Variants in ADCY5 observed in about 807,000 individuals in gnomAD.
ADCY5 encodes the protein adenylate cyclase type 5.
A neutral mutation model predicts 119.7 loss-of-function variants in ADCY5; 30 were observed. That is an observed-to-expected ratio of 0.25 (90% confidence interval 0.19 to 0.34). The LOEUF (loss-of-function observed/expected upper bound fraction) is 0.34. Ranked by LOEUF, ADCY5 falls within the 10% of genes least tolerant of loss-of-function variation. ADCY5 has a pLI of 1.00. For missense variants in ADCY5, 1,324 were observed against 1,775.2 expected (o/e 0.75, Z 4.57); for synonymous variants, 753 against 762.2 (o/e 0.99, Z 0.20).
intron 10 of ADCY5, among the ~76,000 whole-genome samples, chr3:123,318,560 C>T (rs1251591635): frequency 1.3e-5 from 2 of 152,190 alleles, no homozygotes; most frequent in South Asian, 2.1e-4. Context: ...TCCAAAGTCA[C>T]ATCTGAGGCT....
chr3:123,297,748 C>T (rs1160734038), intron 15 of ADCY5, among the ~76,000 whole-genome samples: 2 of 152,192 alleles, frequency 1.3e-5, no homozygotes, highest in East Asian at 1.9e-4. Context: ...GTGTGGCAGC[C>T]GCTGGCCACG....
chr3:123,297,214 C>G (rs1939571028), intron 16 of ADCY5, 139 bp downstream of exon 16: 1 of 1,386,368 alleles, frequency 7.2e-7, no homozygotes, highest in South Asian at 1.2e-5. Context: ...CAGGAGGAAC[C>G]AGCCTCCCTG....
Position 123,303,054 on chromosome 3 carries a change from C to A in ADCY5, c.2724+1G>T. 6.2e-7 allele frequency: 1 copy of A among 1,613,418 alleles called. No homozygotes were observed. The highest frequency in any genetic ancestry group is 8.5e-7 in the Non-Finnish European group (1 of 1,179,946). On this transcript the variant is annotated splice_donor_variant, in intron 14 of 20. Transcript: ENST00000462833. LOFTEE classifies it high-confidence loss of function. ...CCTTCCAGCCCCTGTGCACCCAGTA[C>A]CTCGGGGAAGTTGCAGTTGGGCCAG... is the stretch of plus-strand genomic sequence containing the variant.
chr3:123,438,228 T>C (rs1410057742), intron 1 of ADCY5, among the ~76,000 whole-genome samples: 1 of 152,206 alleles, frequency 6.6e-6, no homozygotes, highest in African/African-American at 2.4e-5. Context: ...GAGTCAAATG[T>C]GTTTGAAAAA....
At chr3:123,305,986 G>T (rs573138643) in intron 12 of ADCY5, among the ~76,000 whole-genome samples, 1 of 152,268 alleles carries the variant, frequency 6.6e-6, no homozygotes, top group Non-Finnish European at 1.5e-5. Context: ...GAAGGCCTGG[G>T]ACTCCATCTC....
intron 1 of ADCY5, among the ~76,000 whole-genome samples, chr3:123,419,492 C>A (rs1333734700): frequency 6.6e-6 from 1 of 152,132 alleles, no homozygotes; most frequent in Non-Finnish European, 1.5e-5. Context: ...CCCTGTCCAA[C>A]CGACCGTGCA....
chr3:123,433,441 C>T (rs1945556454), intron 1 of ADCY5, among the ~76,000 whole-genome samples: 1 of 152,204 alleles, frequency 6.6e-6, no homozygotes, highest in Non-Finnish European at 1.5e-5. Flanking sequence ...ACTAAGTGAA[C>T]AAACAGCCGT....
rs1055215408 is a variant in ADCY5 at position 123,347,777 on chromosome 3, C to T, written c.1406+5G>A. ...TCCATCCTCCTCCCCCAGCTTCACC[C>T]CTACCTCACGTTGTCATGTTTCTGG... On this transcript the variant is annotated splice_donor_5th_base_variant and intron_variant, in intron 3 of 20. Transcript: ENST00000462833. 1.2e-6 allele frequency: 2 copies of T among 1,614,006 alleles called. No homozygotes were observed. The highest frequency in any genetic ancestry group is 1.7e-5 in the Admixed American group (1 of 60,016).
At chr3:123,428,642 A>G (rs1161410102) in intron 1 of ADCY5, among the ~76,000 whole-genome samples, 2 of 151,930 alleles carry the variant, frequency 1.3e-5, no homozygotes, top group African/African-American at 2.4e-5. Context: ...GGGGCCTGGG[A>G]CTCCCCATCA....
chr3:123,295,268 C>CTGAAGTG (rs1202206527), intron 17 of ADCY5, among the ~76,000 whole-genome samples: 2 of 152,320 alleles, frequency 1.3e-5, no homozygotes, highest in East Asian at 3.9e-4. Flanking sequence ...TGTGGGTGAG[C>CTGAAGTG]TGAAGTGGTC....
intron 14 of ADCY5, among the ~76,000 whole-genome samples, chr3:123,302,830 A>T (rs1939922442): frequency 6.6e-6 from 1 of 152,186 alleles, no homozygotes; most frequent in Non-Finnish European, 1.5e-5. Context: ...CTATAGAAAC[A>T]ACAGCTACAC....
At chr3:123,371,089 C>A (rs1486706826) in intron 1 of ADCY5, among the ~76,000 whole-genome samples, 1 of 152,172 alleles carries the variant, frequency 6.6e-6, no homozygotes, top group South Asian at 2.1e-4. Flanking sequence ...CCAGACTCTG[C>A]ACGGTAACAA....
intron 1 of ADCY5, among the ~76,000 whole-genome samples, chr3:123,405,493 G>A (rs1400845630): frequency 6.6e-6 from 1 of 152,218 alleles, no homozygotes; most frequent in Non-Finnish European, 1.5e-5. Flanking sequence ...TGTGAGAGGT[G>A]AGGAGGGAGC....
chr3:123,345,221 G>C (rs944738737), intron 3 of ADCY5, among the ~76,000 whole-genome samples: 3 of 152,214 alleles, frequency 2.0e-5, no homozygotes, highest in Admixed American at 6.5e-5. Flanking sequence ...ACCGTGGAAC[G>C]AGGAATAGGA....
intron 12 of ADCY5, 110 bp downstream of exon 12, chr3:123,314,125 G>T: frequency 1.2e-6 from 1 of 821,452 alleles, no homozygotes; most frequent in Non-Finnish European, 1.9e-6. Context: ...TCCCACCCCT[G>T]CCAAGCACAA....
At chr3:123,324,289 G>A (rs1311614561) in intron 8 of ADCY5, among the ~76,000 whole-genome samples, 1 of 152,060 alleles carries the variant, frequency 6.6e-6, no homozygotes, top group Non-Finnish European at 1.5e-5. Flanking sequence ...TGGATTTCCA[G>A]GGAGTCCGTC....
intron 1 of ADCY5, among the ~76,000 whole-genome samples, chr3:123,376,595 C>G (rs1380200607): frequency 1.3e-5 from 2 of 152,144 alleles, no homozygotes; most frequent in African/African-American, 4.8e-5. Flanking sequence ...CACCGCCAGC[C>G]AATGGGCCAC....
intron 1 of ADCY5, among the ~76,000 whole-genome samples, chr3:123,433,508 G>A (rs2107647955): frequency 6.6e-6 from 1 of 152,342 alleles, no homozygotes; most frequent in Non-Finnish European, 1.5e-5. Context: ...TAGCAAACGA[G>A]TTTCATTTTC....
chr3:123,318,393 G>A (rs752388338), intron 10 of ADCY5, among the ~76,000 whole-genome samples: 13 of 151,822 alleles, frequency 8.6e-5, no homozygotes, highest in Non-Finnish European at 1.9e-4. Flanking sequence ...GATCATGGCT[G>A]TACATGACTG....
Sources: gnomAD v4.1 joint callset for allele counts (sites outside exome capture counted in the v4.1 genomes callset) on GRCh38, gnomAD v4.1.1 for gene constraint, MANE v1.5 for transcripts, NCBI Gene and HGNC (gene_info 2026-07-23, HGNC 2026-07-21) for gene names.